The following NRXN3 variants were observed in gnomAD, a reference collection of about 807,000 sequenced individuals.
NRXN3 encodes the protein neurexin 3.
In NRXN3, 32 loss-of-function variants were observed where a neutral mutation model predicts 137.6. The observed-to-expected ratio is 0.23, with a 90% CI of 0.18 to 0.31. The LOEUF (loss-of-function observed/expected upper bound fraction) is 0.31. NRXN3 is among the 10% of genes least tolerant of loss of function. NRXN3 has a pLI of 1.00. For missense variants in NRXN3, 1,574 were observed against 2,062.5 expected (o/e 0.76, Z 4.59); for synonymous variants, 798 against 784.5 (o/e 1.02, Z -0.29).
chr14:78,959,504 G>A (rs2099403895), intron 11 of NRXN3, among the ~76,000 whole-genome samples: 1 of 152,060 alleles, frequency 6.6e-6, no homozygotes, highest in Non-Finnish European at 1.5e-5. Context: ...GCTTATTAAA[G>A]TCTCCTAAGA....
At chr14:79,226,395 A>G (rs2070874762) in intron 15 of NRXN3, among the ~76,000 whole-genome samples, 1 of 152,210 alleles carries the variant, frequency 6.6e-6, no homozygotes, top group Admixed American at 6.5e-5. Flanking sequence ...GCAATAAATT[A>G]CTTTATAGAA....
At chr14:78,352,574 G>A (rs531239073) in intron 4 of NRXN3, among the ~76,000 whole-genome samples, 1 of 152,282 alleles carries the variant, frequency 6.6e-6, no homozygotes, top group East Asian at 1.9e-4. Flanking sequence ...TTGGGGAGGG[G>A]TGTGGGATTT....
intron 15 of NRXN3, among the ~76,000 whole-genome samples, chr14:79,315,949 C>T (rs918293438): frequency 2.6e-5 from 4 of 152,146 alleles, no homozygotes; most frequent in Non-Finnish European, 5.9e-5. Context: ...ATAAGAAATA[C>T]ATTTCCAGAT....
At chr14:79,264,310 A>T (rs2078098521) in intron 15 of NRXN3, among the ~76,000 whole-genome samples, 1 of 152,108 alleles carries the variant, frequency 6.6e-6, no homozygotes, top group African/African-American at 2.4e-5. Flanking sequence ...GCTGGTCTCA[A>T]ACTCCTGACC....
At chr14:78,956,677 G>C (rs184210799) in intron 10 of NRXN3, among the ~76,000 whole-genome samples, 58 of 152,276 alleles carry the variant, frequency 3.8e-4, no homozygotes, top group African/African-American at 1.4e-3. Context: ...AAACTTGACA[G>C]TATTACTATT....
chr14:78,404,205 CTT>C (rs61577048), intron 4 of NRXN3, among the ~76,000 whole-genome samples: 43,950 of 142,138 alleles, frequency 0.31, 7,256 homozygotes, highest in Non-Finnish European at 0.37. Context: ...CCCTATTTTC[CTT>C]TTTTTTTTTT....
At position 79,805,415 on chromosome 14, in the gene NRXN3, T is replaced by C. The variant is rs80165367; in HGVS notation, c.4093+225T>C. On this transcript the variant is annotated intron_variant, in intron 20 of 20. Coordinates refer to ENST00000335750, the MANE Select transcript of NRXN3 (RefSeq NM_001330195.2). ...TAAGATCCTACAAAAATTAAGTCAGTCTCTTGATAGCTAACAAAAAATCAT... is the reference window on the plus strand; with the variant it reads ...TAAGATCCTACAAAAATTAAGTCAGCCTCTTGATAGCTAACAAAAAATCAT... Among the ~76,000 whole-genome samples, 332 of 152,124 alleles carry C rather than the reference T, an allele frequency of 2.2e-3. 10 individuals carry two copies. The East Asian group carries it at 0.043, about 20-fold the overall frequency.
intron 15 of NRXN3, among the ~76,000 whole-genome samples, chr14:79,352,766 A>G (rs528515659): frequency 6.6e-6 from 1 of 152,236 alleles, no homozygotes; most frequent in Non-Finnish European, 1.5e-5. Context: ...AATCCTTTGA[A>G]GTGGACCCTA....
chr14:78,487,725 A>G (rs1336364452), intron 4 of NRXN3, among the ~76,000 whole-genome samples: 2 of 150,192 alleles, frequency 1.3e-5, no homozygotes, highest in Non-Finnish European at 2.9e-5. Flanking sequence ...CTGGGCCACA[A>G]GAGTGAAACT....
At chr14:79,420,793 C>A (rs1342578731) in intron 15 of NRXN3, among the ~76,000 whole-genome samples, 2 of 152,064 alleles carry the variant, frequency 1.3e-5, no homozygotes, top group Admixed American at 1.3e-4. Context: ...AAAAGGATGG[C>A]CATCTTATTG....
At chr14:78,780,942 A>G (rs2098767018) in intron 8 of NRXN3, among the ~76,000 whole-genome samples, 2 of 152,220 alleles carry the variant, frequency 1.3e-5, no homozygotes, top group South Asian at 2.1e-4. Flanking sequence ...TATTTATGTA[A>G]ACACTTAAGG....
At chr14:79,478,697 A>G (rs1384531961) in intron 16 of NRXN3, among the ~76,000 whole-genome samples, 1 of 152,148 alleles carries the variant, frequency 6.6e-6, no homozygotes, top group Admixed American at 6.6e-5. Context: ...AAATAAATAA[A>G]GTCGTTTTTA....
At chr14:79,719,046 A>G (rs1363628701) in intron 19 of NRXN3, among the ~76,000 whole-genome samples, 2 of 152,110 alleles carry the variant, frequency 1.3e-5, no homozygotes, top group Non-Finnish European at 2.9e-5. Flanking sequence ...CTTTTAGAAA[A>G]CAATGCTGAC....
intron 15 of NRXN3, among the ~76,000 whole-genome samples, chr14:79,195,885 A>G (rs890737378): frequency 2.0e-5 from 3 of 152,232 alleles, no homozygotes; most frequent in African/African-American, 7.2e-5. Flanking sequence ...AGGTTGAAAG[A>G]GAAAATAATT....
At chr14:79,242,023 C>T (rs112054532) in intron 15 of NRXN3, among the ~76,000 whole-genome samples, 1 of 151,644 alleles carries the variant, frequency 6.6e-6, no homozygotes, top group South Asian at 2.1e-4. Context: ...GCAGAGATCA[C>T]GCCACTGCAC....
chr14:79,633,755 C>T (rs147088997), intron 16 of NRXN3, among the ~76,000 whole-genome samples: 24 of 152,280 alleles, frequency 1.6e-4, no homozygotes, highest in East Asian at 5.8e-4. Context: ...GGTAACAGAA[C>T]GGTGCTGTTT....
At chr14:78,352,895 G>A (rs1488519828) in intron 4 of NRXN3, among the ~76,000 whole-genome samples, 3 of 152,174 alleles carry the variant, frequency 2.0e-5, no homozygotes, top group African/African-American at 4.8e-5. Context: ...AAGCTGTTTT[G>A]CTCCCCTCAA....
At chr14:78,980,388 G>T (rs996244742) in intron 14 of NRXN3, among the ~76,000 whole-genome samples, 12 of 152,198 alleles carry the variant, frequency 7.9e-5, no homozygotes, top group Non-Finnish European at 2.9e-5. Flanking sequence ...TCAAATTGGG[G>T]TGTTTGAGAC....
chr14:79,857,510 C>T (rs2099405369), intron 20 of NRXN3, among the ~76,000 whole-genome samples: 1 of 152,150 alleles, frequency 6.6e-6, no homozygotes, highest in Admixed American at 6.5e-5. Flanking sequence ...GCGTGAGCCA[C>T]CGTGCCTGGC....
Sources: allele counts gnomAD v4.1 joint callset (sites outside exome capture counted in the v4.1 genomes callset), GRCh38; gene constraint gnomAD v4.1.1; transcripts MANE v1.5; gene names NCBI Gene and HGNC (gene_info 2026-07-23, HGNC 2026-07-21).